The following INO80 variants were observed in gnomAD, a reference collection of about 807,000 sequenced individuals.
INO80 encodes the protein INO80 complex ATPase subunit.
A neutral mutation model predicts 203.4 loss-of-function variants in INO80; 20 were observed. The ratio of observed to expected loss-of-function variants is 0.10; its 90% CI spans 0.07 to 0.14. The LOEUF is 0.14. Among genes scored for constraint, INO80 ranks in the 10% least tolerant of loss-of-function variants. The probability of loss-of-function intolerance (pLI) is 1.00; values close to 1 mark genes in which losing one functional copy is unlikely to be tolerated. For synonymous variants in INO80, 726 were observed against 685.2 expected, an observed-to-expected ratio of 1.06 and a Z score of -0.93; for missense variants, 1,419 against 1,914.4, an observed-to-expected ratio of 0.74 and a Z score of 4.83.
At chr15:41,095,264 C>T (rs919641607) in intron 4 of INO80, among the ~76,000 whole-genome samples, 3 of 152,134 alleles carry the variant, frequency 2.0e-5, no homozygotes, top group Admixed American at 6.5e-5. Context: ...TTGCTTGAAC[C>T]TAGGAGGCGG....
chr15:41,053,496 T>C (rs536603156), intron 19 of INO80, among the ~76,000 whole-genome samples: 2 of 152,226 alleles, frequency 1.3e-5, no homozygotes, highest in Non-Finnish European at 2.9e-5. Context: ...ATCATGGAAC[T>C]GGTCTTTTTA....
chr15:41,028,678 G>A (rs1029627383), intron 24 of INO80, among the ~76,000 whole-genome samples: 6 of 152,188 alleles, frequency 3.9e-5, no homozygotes, highest in Admixed American at 2.6e-4. Flanking sequence ...CCAACATGGC[G>A]AAACTCTGTC....
intron 16 of INO80, among the ~76,000 whole-genome samples, chr15:41,058,078 AAAAC>A (rs1418561209): frequency 1.3e-5 from 2 of 152,176 alleles, no homozygotes; most frequent in East Asian, 1.9e-4. Context: ...TAATCAACAT[AAAAC>A]AAACAGAGCA....
At chr15:41,012,817 G>C (rs2044151966) in intron 27 of INO80, among the ~76,000 whole-genome samples, 1 of 151,982 alleles carries the variant, frequency 6.6e-6, no homozygotes, top group African/African-American at 2.4e-5. Context: ...GATGCCATGT[G>C]AAAGAATACA....
intron 35 of INO80, among the ~76,000 whole-genome samples, chr15:40,982,183 G>C (rs886793556): frequency 1.3e-5 from 2 of 152,330 alleles, no homozygotes; most frequent in Non-Finnish European, 2.9e-5. Flanking sequence ...GTCTTGCTCT[G>C]TCACCCATGC....
intron 24 of INO80, among the ~76,000 whole-genome samples, chr15:41,032,787 C>T (rs1033208828): frequency 5.3e-5 from 8 of 152,084 alleles, no homozygotes; most frequent in African/African-American, 1.9e-4. Context: ...TGCCTGTAAT[C>T]CCAGCACTCT....
At chr15:41,015,055 T>G (rs2044183537) in intron 27 of INO80, among the ~76,000 whole-genome samples, 1 of 152,232 alleles carries the variant, frequency 6.6e-6, no homozygotes, top group Admixed American at 6.5e-5. Context: ...TGTACTAGTT[T>G]GTGATTATCT....
rs768799301 is a variant in INO80, at chr15:41,027,629, C to G, written c.3015G>C (p.Glu1005Asp). 84 of 1,613,618 alleles carry G rather than the reference C, an allele frequency of 5.2e-5. No homozygotes were observed. Among genetic ancestry groups the G allele is most frequent in the Admixed American group, 8.3e-5 (5 of 59,888 alleles). ...TGGCCACACACAAAAAAGATGGCAG[C>G]TCAGTGAGCAGGCAGCGACGCAGCG... ...TSSLRRCLLT[E>D]LPSFLCVASP... Residue 1005 changes from glutamate (E) to aspartate (D), a missense_variant, in exon 25 of 36, where the codon GAG (glutamate) becomes GAC (aspartate). Around this residue, in one of 9 missense-constraint regions of INO80, gnomAD observed 302 missense variants for 345.4 expected, o/e 0.87. Transcript: ENST00000648947.
intron 24 of INO80, among the ~76,000 whole-genome samples, chr15:41,039,354 T>C (rs192441144): frequency 6.6e-6 from 1 of 152,228 alleles, no homozygotes; most frequent in African/African-American, 2.4e-5. Context: ...TTATCTACCA[T>C]TACTCAGGCA....
At position 41,054,027 on chromosome 15, in the gene INO80, G is replaced by A; in HGVS notation, c.2189-13C>T. ...CGAGAAAGTTGATCTGAAATGCCGG[G>A]AGGCCCCCAAATAATACATTATAGT... On this transcript the variant is annotated splice_polypyrimidine_tract_variant and intron_variant, in intron 18 of 35. Transcript: ENST00000648947. The A allele has an allele frequency of 1.2e-6, 2 of 1,608,042 alleles. No homozygotes were observed. Among genetic ancestry groups the A allele is most frequent in the Non-Finnish European group, 1.7e-6 (2 of 1,174,960 alleles).
In INO80 at chr15:41,096,154, A is replaced by T. The variant is rs750437418; in HGVS notation, c.143+14T>A. ...GAATTTGGTAAAACATATTGCAAAG[A>T]TACAATAACATACCTAGAAATATTC... On this transcript the variant is annotated intron_variant, in intron 2 of 35. Coordinates refer to ENST00000648947, the MANE Select transcript of INO80 (RefSeq NM_017553.3). 7.5e-6 allele frequency: 12 copies of T among 1,590,008 alleles called. No individual in the cohort carries two copies. In the Admixed American group the frequency reaches 2.3e-4, roughly 30 times the overall value.
Position 41,079,761 on chromosome 15 carries a change from G to A in INO80, c.1071C>T (p.His357=). 2 of 1,614,008 alleles carry A rather than the reference G, an allele frequency of 1.2e-6. No homozygotes were observed. The highest frequency in any genetic ancestry group is 2.7e-5 in the African/African-American group (2 of 74,984). The change falls in exon 9 of 36, where the codon CAC becomes CAT. Residue 357 remains histidine (H), a synonymous_variant. Coordinates refer to ENST00000648947, the MANE Select transcript of INO80 (RefSeq NM_017553.3). ...WKKYEKVEKE[H]RKRAEKEALE... ...AAGCTTCCTTCTCTGCTCTCTTGCG[G>A]TGCTCCTTCTCTACTTTCTCATATT...
chr15:41,083,273 T>C (rs1005590584), intron 7 of INO80, among the ~76,000 whole-genome samples: 17 of 138,694 alleles, frequency 1.2e-4, no homozygotes, highest in African/African-American at 4.7e-4. Flanking sequence ...CCAGACTCCG[T>C]CTCAAAAAAA....
chr15:41,047,669 A>G (rs1315265158), intron 22 of INO80, among the ~76,000 whole-genome samples, 168 bp from the exon 23 acceptor site: 1 of 152,158 alleles, frequency 6.6e-6, no homozygotes, highest in East Asian at 1.9e-4. Flanking sequence ...TACTACAATA[A>G]CAGATAAGAG....
chr15:40,999,378 A>C (rs1348997538), intron 28 of INO80: 2 of 152,248 alleles, frequency 1.3e-5, no homozygotes, highest in African/African-American at 4.8e-5. Context: ...TGACGTATCA[A>C]TGTCAAACAT....
At position 40,980,460 on chromosome 15, in the gene INO80, C is replaced by G. The variant is rs538358628; in HGVS notation, c.4454-20G>C. ...AGATTCCTGTGGGGACGGAGAGAGA[C>G]AAGAACGTAAGCACCAGTCCCGCGT... On this transcript the variant is annotated intron_variant, in intron 35 of 35. Transcript: ENST00000648947. 5 of 1,593,296 alleles carry G rather than the reference C, an allele frequency of 3.1e-6. No individual in the cohort carries two copies. Among genetic ancestry groups the G allele is most frequent in the Non-Finnish European group, 4.3e-6 (5 of 1,163,694 alleles).
intron 24 of INO80, among the ~76,000 whole-genome samples, chr15:41,034,680 T>C (rs1186977449): frequency 6.6e-6 from 1 of 152,194 alleles, no homozygotes; most frequent in Non-Finnish European, 1.5e-5. Flanking sequence ...TCTAAAATAT[T>C]ATTTGAATTT....
intron 29 of INO80, among the ~76,000 whole-genome samples, chr15:40,996,613 C>T (rs1290935744): frequency 6.6e-6 from 1 of 152,204 alleles, no homozygotes; most frequent in African/African-American, 2.4e-5. Flanking sequence ...CATGAGCCAC[C>T]ACGCCCAGCC....
At chr15:41,114,273 C>CA (rs60513256) in intron 1 of INO80, among the ~76,000 whole-genome samples, 5,764 of 128,622 alleles carry the variant, frequency 0.045, 288 homozygotes, top group East Asian at 0.28. Context: ...TCTCAAAAAA[C>CA]AAAAAAAAAA....
Sources: allele counts gnomAD v4.1 joint callset (sites outside exome capture counted in the v4.1 genomes callset), GRCh38; gene constraint gnomAD v4.1.1; regional missense constraint gnomAD v4.1.1; transcripts MANE v1.5; gene names NCBI Gene and HGNC (gene_info 2026-07-23, HGNC 2026-07-21).